The following SHANK2 variants were observed in gnomAD, a reference collection of about 807,000 sequenced individuals.
SHANK2 encodes the protein SH3 and multiple ankyrin repeat domains protein 2.
SHANK2 carries 43 observed loss-of-function variants against 133.7 expected under a neutral mutation model. The observed-to-expected ratio is 0.32, with a 90% confidence interval of 0.25 to 0.41. SHANK2 has a LOEUF of 0.41. SHANK2 is among the 10% of genes least tolerant of loss of function. The probability of loss-of-function intolerance (pLI) is 1.00; values close to 1 mark genes in which losing one functional copy is unlikely to be tolerated. For synonymous variants in SHANK2, 1,017 were observed against 952.8 expected (o/e 1.07, Z -1.24); for missense variants, 1,994 against 2,235.8 (o/e 0.89, Z 2.18).
intron 6 of SHANK2, among the ~76,000 whole-genome samples, chr11:71,100,046 C>CA (rs55637618): frequency 0.011 from 1,095 of 100,694 alleles, 6 homozygotes; most frequent in Middle Eastern, 0.03. Flanking sequence ...AAGACCATGT[C>CA]AAAAAAAAAA....
In SHANK2 at chr11:70,670,473, C is replaced by A. The variant is rs1439390629; in HGVS notation, c.1854-8795G>T. Among the ~76,000 whole-genome samples the A allele has an allele frequency of 3.3e-5, 5 of 152,216 alleles. 1 individual carries two copies. The highest frequency in any genetic ancestry group is 3.3e-4 in the Admixed American group (5 of 15,288). On this transcript the variant is annotated intron_variant, in intron 15 of 25. Transcript: ENST00000601538. Reference sequence around the variant, plus strand: ...TTGGCCGCCGGGTGCGGGCAGCCAGCCCAGCTCACCGTGGCAGAGCTGGCT... The same window carrying A: ...TTGGCCGCCGGGTGCGGGCAGCCAGACCAGCTCACCGTGGCAGAGCTGGCT...
chr11:70,471,794 G>T lies in SHANK2; in HGVS notation c.*1075C>A. 5.8e-6 allele frequency: 1 copy of T among 171,504 alleles called. No homozygotes were observed. Among genetic ancestry groups the T allele is most frequent in the Non-Finnish European group, 1.2e-5 (1 of 81,284 alleles). 10.6% of individuals were successfully genotyped at this position (171,504 alleles called of 1,614,324 possible). A position where few individuals can be genotyped will look rare whatever the true frequency, so the allele number is the denominator to read the frequency against. ...CACCCTTGGCTGGGCACAGAACTGAGGATGCTGTGCCCGCCCAGCTCCCAG... is the reference window on the plus strand; with the variant it reads ...CACCCTTGGCTGGGCACAGAACTGATGATGCTGTGCCCGCCCAGCTCCCAG... On this transcript the variant is annotated 3_prime_UTR_variant, in exon 26 of 26. Transcript: ENST00000601538. This position sits in a 1 kb window ranked among gnomAD's most constrained non-coding sequence, Gnocchi z 4.1.
At chr11:70,750,553 C>A (rs1251915874) in intron 14 of SHANK2, among the ~76,000 whole-genome samples, 6 of 152,226 alleles carry the variant, frequency 3.9e-5, no homozygotes, top group African/African-American at 1.4e-4. Flanking sequence ...ATTAAGGTCC[C>A]AGTTTTTCAT....
At chr11:70,752,965 T>G (rs1555037738) in intron 14 of SHANK2, among the ~76,000 whole-genome samples, 1 of 151,672 alleles carries the variant, frequency 6.6e-6, no homozygotes, top group African/African-American at 2.4e-5. Context: ...AATATAAAAT[T>G]AGCTGGGTGT....
At chr11:70,602,943 C>T (rs775658610) in intron 17 of SHANK2, among the ~76,000 whole-genome samples, 4 of 152,230 alleles carry the variant, frequency 2.6e-5, no homozygotes, top group Admixed American at 6.5e-5. Context: ...AAACGAGACA[C>T]ACACACCGGG....
chr11:70,605,665 G>A (rs1375779456), intron 17 of SHANK2, among the ~76,000 whole-genome samples: 2 of 152,228 alleles, frequency 1.3e-5, no homozygotes, highest in African/African-American at 4.8e-5. Context: ...CCAAGGAGGC[G>A]GAGGGGGACG....
intron 10 of SHANK2, among the ~76,000 whole-genome samples, chr11:70,946,324 C>T: frequency 6.9e-6 from 1 of 145,924 alleles, no homozygotes; most frequent in African/African-American, 2.6e-5. Context: ...CACTAACCAA[C>T]ACTTCCCAGG....
In SHANK2 at chr11:70,471,800, T is replaced by A. The variant is rs1320023768; in HGVS notation, c.*1069A>T. On this transcript the variant is annotated 3_prime_UTR_variant, in exon 26 of 26. Coordinates refer to ENST00000601538, the MANE Select transcript of SHANK2 (RefSeq NM_012309.5). This position sits in a 1 kb window ranked among gnomAD's most constrained non-coding sequence, Gnocchi z 4.1. ...TGGCTGGGCACAGAACTGAGGATGC[T>A]GTGCCCGCCCAGCTCCCAGAGGAGA... The A allele has an allele frequency of 5.9e-6, 1 of 168,572 alleles. No homozygotes were observed. The allele number at this position is 168,572 out of a possible 1,614,324, so 10.4% of individuals were successfully genotyped here. A position where few individuals can be genotyped will look rare whatever the true frequency, so the allele number is the denominator to read the frequency against.
intron 2 of SHANK2, among the ~76,000 whole-genome samples, chr11:71,220,584 G>A (rs1411686641): frequency 3.9e-5 from 6 of 152,188 alleles, no homozygotes; most frequent in Non-Finnish European, 8.8e-5. Flanking sequence ...CACAGAAGGA[G>A]TATTTCTTAG....
intron 6 of SHANK2, 52 bp downstream of exon 6, chr11:71,109,889 C>A: frequency 3.5e-6 from 4 of 1,144,802 alleles, no homozygotes; most frequent in Non-Finnish European, 5.2e-6. Context: ...GTGGGCTGGC[C>A]TTCTCTACGC....
intron 11 of SHANK2, among the ~76,000 whole-genome samples, chr11:70,871,133 G>T (rs1949453849): frequency 1.3e-5 from 2 of 152,156 alleles, no homozygotes; most frequent in African/African-American, 4.8e-5. Flanking sequence ...CCAATCTAAT[G>T]ACCTCATTTT....
At chr11:71,148,824 C>T (rs1294592311) in intron 2 of SHANK2, among the ~76,000 whole-genome samples, 2 of 152,206 alleles carry the variant, frequency 1.3e-5, no homozygotes, top group Non-Finnish European at 2.9e-5. Context: ...AAACCACATA[C>T]TATCATTTCC....
chr11:70,490,391 C>T lies in SHANK2; in HGVS notation c.2440-4G>A, dbSNP rs782449226. The T allele has an allele frequency of 6.2e-7, 1 of 1,613,346 alleles. No individual in the cohort carries two copies. Among genetic ancestry groups the T allele is most frequent in the Non-Finnish European group, 8.5e-7 (1 of 1,179,258 alleles). The stretch of plus-strand genomic sequence containing the variant: ...TTCCTTGGCGTTCGTACACAGACTG[C>T]AAACCAGAGAGCCTAGGGTGAGACG... On this transcript the variant is annotated splice_region_variant and splice_polypyrimidine_tract_variant and intron_variant, in intron 22 of 25. Coordinates refer to ENST00000601538, the MANE Select transcript of SHANK2 (RefSeq NM_012309.5).
chr11:70,776,015 T>C (rs1340843796), intron 14 of SHANK2, among the ~76,000 whole-genome samples: 1 of 152,226 alleles, frequency 6.6e-6, no homozygotes, highest in Non-Finnish European at 1.5e-5. Flanking sequence ...TTGGCCTCCA[T>C]CTTTGCCCCA....
At chr11:70,897,272 TC>T (rs1404037514) in intron 10 of SHANK2, among the ~76,000 whole-genome samples, 1 of 152,152 alleles carries the variant, frequency 6.6e-6, no homozygotes, top group Non-Finnish European at 1.5e-5. Flanking sequence ...ACACAGTGCC[TC>T]AGAAGGAGAG....
intron 15 of SHANK2, among the ~76,000 whole-genome samples, chr11:70,675,876 G>A (rs1944896990): frequency 6.6e-6 from 1 of 152,200 alleles, no homozygotes; most frequent in Non-Finnish European, 1.5e-5. Flanking sequence ...AGGAACATCT[G>A]GATAAACGTT....
chr11:70,535,774 G>A lies in SHANK2; in HGVS notation c.2062-32843C>T, dbSNP rs374033795. Among the ~76,000 whole-genome samples the A allele has an allele frequency of 1.8e-4, 27 of 152,312 alleles. No homozygotes were observed. In the South Asian group the frequency reaches 3.3e-3, roughly 19 times the overall value. ...ACTGTGGGAAGTCCCTGTGCTCCAC[G>A]GGGCAGGAGAGGTTCGGGTGGGCCA... On this transcript the variant is annotated intron_variant, in intron 17 of 25. Transcript: ENST00000601538. This position sits in a 1 kb window ranked among gnomAD's most constrained non-coding sequence, Gnocchi z 4.3.
At chr11:71,112,364 G>T (rs1951903260) in intron 5 of SHANK2, among the ~76,000 whole-genome samples, 1 of 152,216 alleles carries the variant, frequency 6.6e-6, no homozygotes, top group Non-Finnish European at 1.5e-5. Context: ...TTGCACTGCA[G>T]CCTGAGCAAC....
intron 14 of SHANK2, among the ~76,000 whole-genome samples, chr11:70,760,669 A>T (rs774606306): frequency 6.3e-4 from 96 of 152,360 alleles, no homozygotes; most frequent in Non-Finnish European, 1.0e-3. Flanking sequence ...AGTGTGCAGC[A>T]CAGGGAGCGG....
Sources: gnomAD v4.1 joint callset for allele counts (sites outside exome capture counted in the v4.1 genomes callset) on GRCh38, gnomAD v4.1.1 for gene constraint, Gnocchi (gnomAD v3.1) non-coding constraint, MANE v1.5 for transcripts, NCBI Gene and HGNC (gene_info 2026-07-23, HGNC 2026-07-21) for gene names.